SLC9A4: variants seen among roughly 807,000 people sequenced by gnomAD.
SLC9A4 encodes the protein sodium/hydrogen exchanger 4.
A neutral mutation model predicts 67.4 loss-of-function variants in SLC9A4; 63 were observed. That is an observed-to-expected ratio of 0.93 (90% confidence interval 0.76 to 1.15). SLC9A4 has a LOEUF of 1.15. SLC9A4 is among the 50% of genes most tolerant of loss of function. The probability of loss-of-function intolerance (pLI) is 0.00; values close to 1 mark genes in which losing one functional copy is unlikely to be tolerated. For missense variants in SLC9A4, 1,089 were observed against 987.7 expected (o/e 1.10, Z -1.38); for synonymous variants, 393 against 367.2 (o/e 1.07, Z -0.80).
intron 3 of SLC9A4, 104 bp from the exon 4 acceptor site, chr2:102,505,150 C>A: frequency 2.0e-6 from 2 of 991,620 alleles, no homozygotes; most frequent in Non-Finnish European, 3.0e-6. Context: ...GATATTCCTG[C>A]ATCAACACGG....
chr2:102,516,415 G>C (rs953409442), intron 8 of SLC9A4, among the ~76,000 whole-genome samples: 68 of 152,252 alleles, frequency 4.5e-4, no homozygotes, highest in Admixed American at 1.5e-3. Flanking sequence ...CCTCTCCTGA[G>C]ATCAAAGCAG....
At chr2:102,517,731 A>G (rs540007691) in intron 8 of SLC9A4, among the ~76,000 whole-genome samples, 17 of 152,382 alleles carry the variant, frequency 1.1e-4, no homozygotes, top group Admixed American at 1.0e-3. Context: ...CTATGTATCA[A>G]TATAAAAGAT....
chr2:102,525,271 AC>A (rs1263124108), intron 10 of SLC9A4, 116 bp downstream of exon 10: 5 of 1,474,192 alleles, frequency 3.4e-6, no homozygotes, highest in Non-Finnish European at 4.6e-6. Context: ...AACAAACAAA[AC>A]CCCACCTTGT....
At chr2:102,482,949 C>A (rs1490234146) in intron 2 of SLC9A4, among the ~76,000 whole-genome samples, 1 of 152,220 alleles carries the variant, frequency 6.6e-6, no homozygotes, top group African/African-American at 2.4e-5. Flanking sequence ...GAGAATCTGA[C>A]TTCCTCCTGA....
intron 2 of SLC9A4, among the ~76,000 whole-genome samples, chr2:102,494,957 G>T (rs1684775120): frequency 6.6e-6 from 1 of 152,024 alleles, no homozygotes; most frequent in African/African-American, 2.4e-5. Context: ...AAGGCATGGA[G>T]AATCTGAATA....
intron 2 of SLC9A4, among the ~76,000 whole-genome samples, chr2:102,502,483 T>C (rs73944370): frequency 0.061 from 9,297 of 152,252 alleles, 888 homozygotes; most frequent in African/African-American, 0.2. Flanking sequence ...ATGTATTAAC[T>C]ATAATAAAGG....
intron 8 of SLC9A4, among the ~76,000 whole-genome samples, chr2:102,515,683 T>C (rs1439496864): frequency 1.3e-5 from 2 of 152,064 alleles, no homozygotes; most frequent in African/African-American, 4.8e-5. Flanking sequence ...ATTTTTTGCA[T>C]TGACCTTTAT....
At chr2:102,518,766 A>T (rs908405296) in intron 8 of SLC9A4, among the ~76,000 whole-genome samples, 2 of 152,142 alleles carry the variant, frequency 1.3e-5, no homozygotes, top group Non-Finnish European at 2.9e-5. Context: ...ATAAATACTC[A>T]TGTCTGTGGC....
rs1380553269 is a variant in SLC9A4 at position 102,514,162 on chromosome 2, T to A, written c.1632T>A (p.Val544=). 1.9e-6 allele frequency: 3 copies of A among 1,614,158 alleles called. No homozygotes were observed. In the South Asian group the frequency reaches 3.3e-5, roughly 18 times the overall value. The change falls in exon 8 of 12, where the codon GTT becomes GTA. Residue 544 remains valine, a synonymous_variant. Coordinates refer to ENST00000295269, the MANE Select transcript of SLC9A4 (RefSeq NM_001011552.4). ...AGAACCTACCCAAATCAAGCATTGT[T>A]TCTTTGTACAAGAAGCTGGAAATGA... is the stretch of plus-strand genomic sequence containing the variant. ...IRKNLPKSSI[V]SLYKKLEMKQ...
At chr2:102,516,120 C>T (rs1025983868) in intron 8 of SLC9A4, among the ~76,000 whole-genome samples, 1 of 152,182 alleles carries the variant, frequency 6.6e-6, no homozygotes, top group African/African-American at 2.4e-5. Context: ...TTGCATCAGT[C>T]ATAAGCATTT....
rs749140026 is a variant in SLC9A4, at chr2:102,532,575, G to A, written c.2284G>A (p.Gly762Arg). The A allele has an allele frequency of 1.2e-6, 2 of 1,613,980 alleles. No homozygotes were observed. The highest frequency in any genetic ancestry group is 4.5e-5 in the East Asian group (2 of 44,888). ...HAVDEEGESGGESEGKASLVE... is the reference protein window; with the variant it reads ...HAVDEEGESGRESEGKASLVE... Reference sequence around the variant, plus strand: ...AGTGGATGAGGAGGGTGAGTCTGGAGGGGAGAGTGAGGGCAAGGCCTCTTT... The same window carrying A: ...AGTGGATGAGGAGGGTGAGTCTGGAAGGGAGAGTGAGGGCAAGGCCTCTTT... Residue 762 changes from glycine (G) to arginine (R), a missense_variant, in exon 12 of 12, where the codon GGG (glycine) becomes AGG (arginine). Coordinates refer to ENST00000295269, the MANE Select transcript of SLC9A4 (RefSeq NM_001011552.4).
chr2:102,533,635 C>A lies in SLC9A4; in HGVS notation c.*947C>A, dbSNP rs1382466820. 1 of 101,948 alleles carries A rather than the reference C, an allele frequency of 9.8e-6. No individual in the cohort carries two copies. Among genetic ancestry groups the A allele is most frequent in the East Asian group, 3.5e-4 (1 of 2,858 alleles). 6.3% of individuals were successfully genotyped at this position (101,948 alleles called of 1,614,324 possible). The stretch of plus-strand genomic sequence containing the variant: ...ATTAGGTGTATCTCCCAATGCTATC[C>A]CTCCCCCCTCCCCCCACCCCACAAC... On this transcript the variant is annotated 3_prime_UTR_variant, in exon 12 of 12. Transcript: ENST00000295269.
chr2:102,500,180 A>G (rs372281739), intron 2 of SLC9A4, among the ~76,000 whole-genome samples: 24 of 152,294 alleles, frequency 1.6e-4, no homozygotes, highest in African/African-American at 5.5e-4. Context: ...CACAGAGGAG[A>G]CACACAGAGA....
intron 2 of SLC9A4, among the ~76,000 whole-genome samples, chr2:102,480,342 C>T (rs1001349057): frequency 1.5e-4 from 22 of 151,336 alleles, no homozygotes; most frequent in Admixed American, 5.3e-4. Flanking sequence ...TTAGATATAA[C>T]AAGTCTTTCC....
intron 4 of SLC9A4, among the ~76,000 whole-genome samples, chr2:102,506,875 C>A (rs1685061767): frequency 6.6e-6 from 1 of 152,144 alleles, no homozygotes. Flanking sequence ...GATGGAAAAA[C>A]CACCAAAACA....
chr2:102,521,478 A>T (rs1037596705), intron 9 of SLC9A4, among the ~76,000 whole-genome samples: 2 of 152,298 alleles, frequency 1.3e-5, no homozygotes, highest in South Asian at 4.1e-4. Flanking sequence ...GGAGAACACA[A>T]TTGATAAACA....
At chr2:102,504,058 G>C (rs1326579974) in intron 3 of SLC9A4, among the ~76,000 whole-genome samples, 1 of 151,932 alleles carries the variant, frequency 6.6e-6, no homozygotes, top group Non-Finnish European at 1.5e-5. Flanking sequence ...GTGTTTTTTT[G>C]TTTGTTTGTT....
intron 2 of SLC9A4, among the ~76,000 whole-genome samples, chr2:102,486,206 C>G (rs897013898): frequency 4.6e-5 from 7 of 152,232 alleles, no homozygotes; most frequent in African/African-American, 1.7e-4. Context: ...AGCTGAGTGA[C>G]TTCAGGTGAA....
At chr2:102,506,706 G>A in intron 4 of SLC9A4, among the ~76,000 whole-genome samples, 1 of 152,170 alleles carries the variant, frequency 6.6e-6, no homozygotes, top group Non-Finnish European at 1.5e-5. Flanking sequence ...GGAATCTACA[G>A]GGGAGTAGAG....
Sources: gnomAD v4.1 joint callset for allele counts (sites outside exome capture counted in the v4.1 genomes callset) on GRCh38, gnomAD v4.1.1 for gene constraint, MANE v1.5 for transcripts, NCBI Gene and HGNC (gene_info 2026-07-23, HGNC 2026-07-21) for gene names.